KCNIP4: variants seen among roughly 807,000 people sequenced by gnomAD.
KCNIP4 encodes the protein potassium voltage-gated channel interacting protein 4.
Under a neutral mutation model 34.0 loss-of-function variants are expected in KCNIP4, and 12 were observed. The ratio of observed to expected loss-of-function variants is 0.35; its 90% CI spans 0.23 to 0.57. KCNIP4 has a LOEUF of 0.57. Among genes scored for constraint, KCNIP4 ranks in the 20% least tolerant of loss-of-function variants. The pLI, the probability that KCNIP4 is intolerant of heterozygous loss-of-function variation, is 0.83. For missense variants in KCNIP4, 238 were observed against 311.7 expected (o/e 0.76, Z 1.78); for synonymous variants, 124 against 102.2 (o/e 1.21, Z -1.29).
intron 5 of KCNIP4, among the ~76,000 whole-genome samples, chr4:20,744,037 G>T (rs188720237): frequency 8.0e-4 from 122 of 152,242 alleles, no homozygotes; most frequent in Middle Eastern, 6.8e-3. Flanking sequence ...GGCCATCAGA[G>T]AAATGCAAAT....
At chr4:21,916,014 G>A (rs1454686933) in intron 1 of KCNIP4, among the ~76,000 whole-genome samples, 2 of 152,200 alleles carry the variant, frequency 1.3e-5, no homozygotes, top group African/African-American at 4.8e-5. Flanking sequence ...CAGCCACACA[G>A]CTTTTCGTTT....
chr4:21,580,567 G>A (rs1282253039), intron 1 of KCNIP4, among the ~76,000 whole-genome samples: 1 of 152,064 alleles, frequency 6.6e-6, no homozygotes, highest in African/African-American at 2.4e-5. Flanking sequence ...GGGTGGCATG[G>A]AGAAAACACT....
chr4:21,366,690 A>G (rs1206728032), intron 1 of KCNIP4, among the ~76,000 whole-genome samples: 2 of 152,134 alleles, frequency 1.3e-5, no homozygotes, highest in African/African-American at 2.4e-5. Flanking sequence ...AAAAAACACA[A>G]CAACAATAAA....
At chr4:20,745,687 CAT>C (rs779445278) in intron 5 of KCNIP4, among the ~76,000 whole-genome samples, 2 of 152,144 alleles carry the variant, frequency 1.3e-5, no homozygotes, top group Non-Finnish European at 2.9e-5. Context: ...AGGAGAAAGA[CAT>C]AGAGATTTGA....
chr4:21,348,682 T>A (rs921247116), intron 1 of KCNIP4, among the ~76,000 whole-genome samples: 11 of 152,232 alleles, frequency 7.2e-5, no homozygotes, highest in African/African-American at 2.7e-4. Context: ...CCCAAATGTA[T>A]AGCTCTGTAA....
At chr4:21,239,008 T>C (rs1759588119) in intron 1 of KCNIP4, among the ~76,000 whole-genome samples, 3 of 152,118 alleles carry the variant, frequency 2.0e-5, no homozygotes, top group Admixed American at 2.0e-4. Flanking sequence ...AACAGCATGG[T>C]ACTGGTACCA....
At chr4:20,964,794 A>G (rs1248777418) in intron 1 of KCNIP4, among the ~76,000 whole-genome samples, 1 of 152,180 alleles carries the variant, frequency 6.6e-6, no homozygotes, top group Admixed American at 6.6e-5. Context: ...GCTAATATGG[A>G]GTAATTGGTG....
intron 1 of KCNIP4, among the ~76,000 whole-genome samples, chr4:21,411,437 A>G (rs1724494572): frequency 6.6e-6 from 1 of 152,170 alleles, no homozygotes; most frequent in South Asian, 2.1e-4. Context: ...AATGTTACAG[A>G]AAGTAAATGA....
At chr4:21,550,663 A>T (rs1483971263) in intron 1 of KCNIP4, among the ~76,000 whole-genome samples, 1 of 152,200 alleles carries the variant, frequency 6.6e-6, no homozygotes, top group Admixed American at 6.6e-5. Context: ...GGTACTCATA[A>T]ATTCCAAAGG....
chr4:21,571,440 A>G (rs1740361280), intron 1 of KCNIP4, among the ~76,000 whole-genome samples: 1 of 152,190 alleles, frequency 6.6e-6, no homozygotes. Flanking sequence ...TGTAGGCTGG[A>G]GTTGCTCTGT....
At chr4:21,087,048 C>T (rs533995970) in intron 1 of KCNIP4, among the ~76,000 whole-genome samples, 4 of 149,258 alleles carry the variant, frequency 2.7e-5, no homozygotes, top group Non-Finnish European at 4.4e-5. Context: ...GGCACGATCT[C>T]GGCTCACTGC....
chr4:21,740,345 CTTCA>C lies in KCNIP4; in HGVS notation c.61+208222_61+208225del, dbSNP rs567031030. Among the ~76,000 whole-genome samples the C allele has an allele frequency of 5.3e-5, 8 of 152,010 alleles. No individual in the cohort carries two copies. In the South Asian group the frequency reaches 1.5e-3, roughly 28 times the overall value. On this transcript the variant is annotated intron_variant, in intron 1 of 8. Coordinates refer to ENST00000382152, the MANE Select transcript of KCNIP4 (RefSeq NM_025221.6). ...ATTTTCAAAGACCTACCCTTTCTCCCTTCATTCATTCTTTCTTTTCTCCCTTCCT... is the reference window on the plus strand; with the variant it reads ...ATTTTCAAAGACCTACCCTTTCTCCCTTCATTCTTTCTTTTCTCCCTTCCT...
intron 5 of KCNIP4, among the ~76,000 whole-genome samples, chr4:20,737,430 TA>T (rs1749889035): frequency 6.6e-6 from 1 of 152,032 alleles, no homozygotes; most frequent in South Asian, 2.1e-4. Context: ...GAGAAGAATC[TA>T]AAAAGAGTAA....
chr4:21,200,769 T>C (rs1357625028), intron 1 of KCNIP4, among the ~76,000 whole-genome samples: 2 of 151,990 alleles, frequency 1.3e-5, no homozygotes, highest in African/African-American at 2.4e-5. Context: ...AAAAACCACT[T>C]GTACCCCTAA....
chr4:21,380,436 AGAGG>A (rs1721375365), intron 1 of KCNIP4, among the ~76,000 whole-genome samples: 1 of 73,214 alleles, frequency 1.4e-5, no homozygotes, highest in African/African-American at 4.6e-5. Context: ...ATGATGAGGG[AGAGG>A]GAGGGAGAGG....
In KCNIP4 at chr4:21,264,792, T is replaced by C. The variant is rs543331012; in HGVS notation, c.62-382083A>G. Among the ~76,000 whole-genome samples the C allele has an allele frequency of 1.2e-3, 181 of 152,116 alleles. 1 individual carries two copies. Among genetic ancestry groups the C allele is most frequent in the Middle Eastern group, 3.4e-3 (1 of 294 alleles). On this transcript the variant is annotated intron_variant, in intron 1 of 8. Transcript: ENST00000382152. ...AAAAACCAGAAAAGGATCACAAAGA[T>C]GTAACATTTAAAGCGGGTCTTAAGG...
chr4:21,802,407 T>A (rs1429645446), intron 1 of KCNIP4, among the ~76,000 whole-genome samples: 2 of 152,188 alleles, frequency 1.3e-5, no homozygotes, highest in African/African-American at 4.8e-5. Flanking sequence ...CTTTGCAGTT[T>A]GGGGAGCATA....
chr4:21,568,624 A>G (rs1034061621), intron 1 of KCNIP4, among the ~76,000 whole-genome samples: 5 of 152,170 alleles, frequency 3.3e-5, no homozygotes, highest in Admixed American at 6.5e-5. Flanking sequence ...GATGCTTCCT[A>G]AGTTCAAACA....
In KCNIP4 at chr4:20,749,605, C is replaced by T; in HGVS notation, c.429+57G>A. ...AATCATCACCAAACTCACATTTTCCCCCTAAAAAGACTAAACTCTAAATAG... is the reference window on the plus strand; with the variant it reads ...AATCATCACCAAACTCACATTTTCCTCCTAAAAAGACTAAACTCTAAATAG... On this transcript the variant is annotated intron_variant, in intron 5 of 8. Transcript: ENST00000382152. The T allele has an allele frequency of 8.3e-6, 10 of 1,199,496 alleles. No homozygotes were observed. In the South Asian group the frequency reaches 1.1e-4, roughly 13 times the overall value. 74.3% of individuals were successfully genotyped at this position (1,199,496 alleles called of 1,614,324 possible).
Sources: gnomAD v4.1 joint callset for allele counts (sites outside exome capture counted in the v4.1 genomes callset) on GRCh38, gnomAD v4.1.1 for gene constraint, MANE v1.5 for transcripts, NCBI Gene and HGNC (gene_info 2026-07-23, HGNC 2026-07-21) for gene names.